The following ZNF536 variants were observed in gnomAD, a reference collection of about 807,000 sequenced individuals.
ZNF536 encodes the protein zinc finger protein 536.
A neutral mutation model predicts 84.5 loss-of-function variants in ZNF536; 13 were observed. The ratio of observed to expected loss-of-function variants is 0.15; its 90% CI spans 0.10 to 0.24. ZNF536 has a LOEUF of 0.24. ZNF536 is among the 10% of genes least tolerant of loss of function. ZNF536 has a pLI of 1.00. For missense variants in ZNF536, 1,536 were observed against 1,747.5 expected (o/e 0.88, Z 2.16); for synonymous variants, 811 against 742.5 (o/e 1.09, Z -1.50).
chr19:30,405,546 C>A (rs1219424622), intron 1 of ZNF536, among the ~76,000 whole-genome samples: 6 of 152,070 alleles, frequency 3.9e-5, no homozygotes, highest in Non-Finnish European at 8.8e-5. Context: ...GCCATCAGAC[C>A]AGAGTCTTCC....
At chr19:30,476,657 G>A (rs7248897) in intron 2 of ZNF536, among the ~76,000 whole-genome samples, 24,802 of 152,172 alleles carry the variant, frequency 0.16, 3,022 homozygotes, top group African/African-American at 0.34. Context: ...GCTCACGGCC[G>A]CTTAGGCTTG....
intron 1 of ZNF536, among the ~76,000 whole-genome samples, chr19:30,699,178 C>G (rs1027759950): frequency 1.3e-5 from 2 of 152,128 alleles, no homozygotes; most frequent in Non-Finnish European, 2.9e-5. Context: ...TATTTCCTAT[C>G]CCAGTCCTAG....
chr19:30,356,237 A>T (rs1282105345), intron 3 of ZNF536, among the ~76,000 whole-genome samples: 1 of 152,180 alleles, frequency 6.6e-6, no homozygotes, highest in Non-Finnish European at 1.5e-5. Context: ...TCAGGTTGGG[A>T]GGCCCAGTGA....
At chr19:30,483,746 G>C (rs2054183071) in intron 2 of ZNF536, among the ~76,000 whole-genome samples, 1 of 152,050 alleles carries the variant, frequency 6.6e-6, no homozygotes, top group African/African-American at 2.4e-5. Context: ...AAGCCAACCT[G>C]ATCATGTCAC....
At chr19:30,656,000 T>C (rs1025565530) in intron 1 of ZNF536, among the ~76,000 whole-genome samples, 1 of 152,080 alleles carries the variant, frequency 6.6e-6, no homozygotes, top group Non-Finnish European at 1.5e-5. Flanking sequence ...GATTGCACCA[T>C]TGCACTCCAG....
At chr19:30,570,712 G>T (rs938559509) in intron 1 of ZNF536, among the ~76,000 whole-genome samples, 4 of 152,030 alleles carry the variant, frequency 2.6e-5, no homozygotes, top group Non-Finnish European at 5.9e-5. Flanking sequence ...GTTTTTAAGG[G>T]TGAAGGAATT....
At chr19:30,401,650 G>T (rs2050051886) in intron 1 of ZNF536, among the ~76,000 whole-genome samples, 1 of 152,220 alleles carries the variant, frequency 6.6e-6, no homozygotes, top group Non-Finnish European at 1.5e-5. Flanking sequence ...TAAGTAAACA[G>T]AATTATCATA....
At chr19:30,529,043 G>A (rs1457887993) in intron 2 of ZNF536, among the ~76,000 whole-genome samples, 1 of 152,058 alleles carries the variant, frequency 6.6e-6, no homozygotes, top group Non-Finnish European at 1.5e-5. Context: ...GCGAGGGGAG[G>A]GGTGAAGGGA....
intron 1 of ZNF536, among the ~76,000 whole-genome samples, chr19:30,635,527 G>T (rs981443809): frequency 2.0e-5 from 3 of 152,154 alleles, no homozygotes; most frequent in Admixed American, 2.0e-4. Context: ...CGGATCCTCG[G>T]CTCCCAGGCA....
chr19:30,468,977 G>C (rs903643217), intron 2 of ZNF536, among the ~76,000 whole-genome samples: 2 of 152,084 alleles, frequency 1.3e-5, no homozygotes, highest in African/African-American at 4.8e-5. Flanking sequence ...GCCTCCTGGG[G>C]CTTTCTCCCT....
chr19:30,262,053 G>T (rs956350719), intron 1 of ZNF536, among the ~76,000 whole-genome samples: 1 of 152,218 alleles, frequency 6.6e-6, no homozygotes, highest in Non-Finnish European at 1.5e-5. Flanking sequence ...CAGGTTCAAA[G>T]CTAGTGATGA....
At chr19:30,595,469 G>A (rs2146852206) in intron 1 of ZNF536, among the ~76,000 whole-genome samples, 1 of 152,000 alleles carries the variant, frequency 6.6e-6, no homozygotes, top group South Asian at 2.1e-4. Flanking sequence ...TAATTTTTTT[G>A]TAGATATGGG....
chr19:30,487,392 A>G (rs530319015), intron 2 of ZNF536, among the ~76,000 whole-genome samples: 2 of 152,144 alleles, frequency 1.3e-5, no homozygotes, highest in Admixed American at 1.3e-4. Flanking sequence ...AAAGAAGGAA[A>G]CACAACTGAA....
chr19:30,283,930 AT>A (rs979591749), intron 1 of ZNF536: 1 of 152,202 alleles, frequency 6.6e-6, no homozygotes, highest in Admixed American at 6.5e-5. Context: ...TGCTCAAAGA[AT>A]TGGGGGCAGT....
At chr19:30,604,194 A>G (rs1418291679) in intron 1 of ZNF536, among the ~76,000 whole-genome samples, 1 of 152,242 alleles carries the variant, frequency 6.6e-6, no homozygotes, top group Non-Finnish European at 1.5e-5. Flanking sequence ...ATAGTGATGT[A>G]CTGAATGACT....
At chr19:30,654,875 G>A (rs112345117) in intron 1 of ZNF536, among the ~76,000 whole-genome samples, 1,881 of 150,130 alleles carry the variant, frequency 0.013, 42 homozygotes, top group African/African-American at 0.043. Context: ...CGTGCTTACA[G>A]CGTTGACTTT....
At position 30,548,051 on chromosome 19, in the gene ZNF536, C is replaced by A. The variant is rs778721262; in HGVS notation, c.2432C>A (p.Pro811Gln). The change falls in exon 4 of 5, where the codon CCG becomes CAG. Residue 811 changes from proline (P) to glutamine (Q), a missense_variant. Around this residue, in one of 8 missense-constraint regions of ZNF536, gnomAD observed 148 missense variants for 205.4 expected, o/e 0.72. Transcript: ENST00000355537. ...HHRERQNGAG[P>Q]LSGQPPNQDH... The stretch of plus-strand genomic sequence containing the variant: ...CGGGAGCGGCAGAACGGGGCTGGGC[C>A]GCTGTCTGGGCAACCCCCAAATCAA... 2.5e-6 allele frequency: 4 copies of A among 1,614,108 alleles called. No individual in the cohort carries two copies. The highest frequency in any genetic ancestry group is 3.4e-6 in the Non-Finnish European group (4 of 1,180,028).
chr19:30,392,189 C>T (rs963947867), intron 1 of ZNF536, among the ~76,000 whole-genome samples: 1 of 152,120 alleles, frequency 6.6e-6, no homozygotes, highest in Non-Finnish European at 1.5e-5. Context: ...CTTGGGAATT[C>T]CAGTCCTTCC....
intron 1 of ZNF536, among the ~76,000 whole-genome samples, chr19:30,606,271 TA>T (rs143107751): frequency 0.021 from 484 of 23,454 alleles, 1 homozygote; most frequent in Non-Finnish European, 0.031. Context: ...TAAAATAAAA[TA>T]AAATAAAATA....
Sources: gnomAD v4.1 joint callset for allele counts (sites outside exome capture counted in the v4.1 genomes callset) on GRCh38, gnomAD v4.1.1 for gene constraint, gnomAD v4.1.1 regional missense constraint, MANE v1.5 for transcripts, NCBI Gene and HGNC (gene_info 2026-07-23, HGNC 2026-07-21) for gene names.